SFTPB: variants seen among roughly 807,000 people sequenced by gnomAD.
SFTPB encodes the protein pulmonary surfactant-associated protein B.
In SFTPB, 32 loss-of-function variants were observed where a neutral mutation model predicts 51.0. The observed-to-expected ratio is 0.63, with a 90% CI of 0.47 to 0.84. The LOEUF (loss-of-function observed/expected upper bound fraction) is 0.84, where lower values mean the gene tolerates loss of function less well. Ranked by LOEUF, SFTPB falls within the 40% of genes least tolerant of loss-of-function variation. SFTPB has a pLI of 0.00. For synonymous variants in SFTPB, 211 were observed against 208.5 expected, an observed-to-expected ratio of 1.01 and a Z score of -0.10; for missense variants, 431 against 491.2, an observed-to-expected ratio of 0.88 and a Z score of 1.16.
chr2:85,667,542 C>T, intron 2 of SFTPB, 137 bp downstream of exon 2: 1 of 1,127,638 alleles, frequency 8.9e-7, no homozygotes, highest in Admixed American at 1.7e-5. Context: ...TCCATTTTAT[C>T]CTATCTCATT....
intron 10 of SFTPB, among the ~76,000 whole-genome samples, chr2:85,660,089 C>T (rs1677209672): frequency 6.6e-6 from 1 of 151,190 alleles, no homozygotes; most frequent in Admixed American, 6.6e-5. Context: ...TAGCCCCTAC[C>T]CTAGGATGTG....
rs959253246 is a variant in SFTPB, at chr2:85,658,372, C to T, written c.*1330G>A. The T allele has an allele frequency of 2.6e-5, 4 of 152,252 alleles. No individual in the cohort carries two copies. Among genetic ancestry groups the T allele is most frequent in the Non-Finnish European group, 5.9e-5 (4 of 68,126 alleles). The allele number at this position is 152,252 out of a possible 1,614,324, so 9.4% of individuals were successfully genotyped here. On this transcript the variant is annotated 3_prime_UTR_variant, in exon 11 of 11. Transcript: ENST00000519937. ...AGAGACTGGGAGGGGAGAGCAGCAG[C>T]TGGAGGGCAGGCTGGGAGCGCTTGT...
intron 3 of SFTPB, 30 bp from the exon 4 acceptor site, chr2:85,666,772 G>T: frequency 6.2e-7 from 1 of 1,613,290 alleles, no homozygotes; most frequent in Non-Finnish European, 8.5e-7. Flanking sequence ...CGTCAGCTGG[G>T]CCTCTCTGAG....
intron 8 of SFTPB, among the ~76,000 whole-genome samples, chr2:85,662,479 A>G (rs908722171): frequency 3.3e-5 from 5 of 152,184 alleles, no homozygotes; most frequent in Non-Finnish European, 7.4e-5. Context: ...CAGGGAGCAC[A>G]GTGTGGACAG....
Position 85,662,089 on chromosome 2 carries a change from C to T in SFTPB, c.1023G>A (p.Gln341=). 6.2e-7 allele frequency: 1 copy of T among 1,602,272 alleles called. No individual in the cohort carries two copies. The highest frequency in any genetic ancestry group is 8.5e-7 in the Non-Finnish European group (1 of 1,175,782). Residue 341 remains glutamine (Q), a synonymous_variant, in exon 9 of 11, where the codon CAG becomes CAA. Transcript: ENST00000519937. ...DREKCKQFVE[Q]HTPQLLTLVP... Reference sequence around the variant, plus strand: ...CCAGGGTCAGCAGCTGGGGCGTGTGCTGCTCCACAAATTGCTTGCACTGAG... The same window carrying T: ...CCAGGGTCAGCAGCTGGGGCGTGTGTTGCTCCACAAATTGCTTGCACTGAG...
intron 8 of SFTPB, 105 bp from the exon 9 acceptor site, chr2:85,662,214 A>C: frequency 6.5e-7 from 1 of 1,536,504 alleles, no homozygotes. Flanking sequence ...CTCCCTCCCG[A>C]CTCCTCCATC....
chr2:85,667,714 G>A lies in SFTPB; in HGVS notation c.160C>T (p.His54Tyr). The stretch of plus-strand genomic sequence containing the variant: ...TGTCCCCAGACTTCCTGTAGGCAAT[G>A]CCCTAGGGCTCTGCACTGCAATGCT... ...EQALQCRALG[H>Y]CLQEVWGHVG... The change falls in exon 2 of 11, where the codon CAT (histidine) becomes TAT (tyrosine). Residue 54 changes from histidine to tyrosine, a missense_variant. Transcript: ENST00000519937. 1 of 1,614,262 alleles carries A rather than the reference G, an allele frequency of 6.2e-7. No individual in the cohort carries two copies. Among genetic ancestry groups the A allele is most frequent in the South Asian group, 1.1e-5 (1 of 91,092 alleles).
Position 85,665,348 on chromosome 2 carries a change from G to T in SFTPB, c.613C>A (p.Leu205Ile). Residue 205 changes from leucine (L) to isoleucine (I), a missense_variant, in exon 6 of 11, where the codon CTC becomes ATC. Leu to Ile is a conservative substitution (Grantham distance 5). Transcript: ENST00000519937. ...DLSEQQFPIP[L>I]PYCWLCRALI... The stretch of plus-strand genomic sequence containing the variant: ...GCCCTGCAGAGCCAGCAATAGGGGA[G>T]AGGAATGGGGAATTGCTGCTCGGAG... 1 of 1,614,094 alleles carries T rather than the reference G, an allele frequency of 6.2e-7. No homozygotes were observed. Among genetic ancestry groups the T allele is most frequent in the Non-Finnish European group, 8.5e-7 (1 of 1,179,962 alleles).
At position 85,666,644 on chromosome 2, in the gene SFTPB, CA is replaced by C. The variant is rs1677658252; in HGVS notation, c.365del (p.Leu122ArgfsTer93). On this transcript the variant is annotated frameshift_variant, in exon 4 of 11. Transcript: ENST00000519937. LOFTEE classifies it high-confidence loss of function. Reference protein sequence around the residue: ...CNQVLDDYFPLVIDYFQNQTD... With the variant: ...CNQVLDDYFPXVIDYFQNQTD... ...TCTGGTTCTGGAAGTAGTCGATGACCAGGGGGAAGTAGTCGTCAAGCACTTG... is the reference window on the plus strand; with the variant it reads ...TCTGGTTCTGGAAGTAGTCGATGACCGGGGGAAGTAGTCGTCAAGCACTTG... 6.2e-7 allele frequency: 1 copy of C among 1,613,652 alleles called. No homozygotes were observed. Among genetic ancestry groups the C allele is most frequent in the Middle Eastern group, 1.7e-4 (1 of 6,058 alleles).
In SFTPB at chr2:85,659,532, G is replaced by A. The variant is rs1400062087; in HGVS notation, c.*170C>T. Reference sequence around the variant, plus strand: ...AGGGCTGGGGGCCCGTGGTCCACCAGTGGAAGTGACTGCCGAGGAAGGGCG... The same window carrying A: ...AGGGCTGGGGGCCCGTGGTCCACCAATGGAAGTGACTGCCGAGGAAGGGCG... On this transcript the variant is annotated 3_prime_UTR_variant, in exon 11 of 11. Transcript: ENST00000519937. 1 of 152,558 alleles carries A rather than the reference G, an allele frequency of 6.6e-6. No homozygotes were observed. Among genetic ancestry groups the A allele is most frequent in the African/African-American group, 2.4e-5 (1 of 41,472 alleles). 9.5% of individuals were successfully genotyped at this position (152,558 alleles called of 1,614,324 possible).
chr2:85,667,601 T>G, intron 2 of SFTPB, 78 bp downstream of exon 2: 1 of 1,585,640 alleles, frequency 6.3e-7, no homozygotes, highest in South Asian at 1.1e-5. Context: ...GGCTCCACTC[T>G]CCTCCTGCCC....
rs1012625049 is a variant in SFTPB, at chr2:85,662,252, G to T, written c.1003-143C>A. On this transcript the variant is annotated intron_variant, in intron 8 of 10. Transcript: ENST00000519937. Reference sequence around the variant, plus strand: ...CCCTCACGGAACACCTCTGGCTGCAGTTGAAACCCTTAACAAACTGGAGCC... The same window carrying T: ...CCCTCACGGAACACCTCTGGCTGCATTTGAAACCCTTAACAAACTGGAGCC... 6 of 1,507,460 alleles carry T rather than the reference G, an allele frequency of 4.0e-6. No individual in the cohort carries two copies. The African/African-American group carries it at 6.9e-5, about 17-fold the overall frequency. The allele number at this position is 1,507,460 out of a possible 1,614,324, so 93.4% of individuals were successfully genotyped here. A position where few individuals can be genotyped will look rare whatever the true frequency, so the allele number is the denominator to read the frequency against.
At chr2:85,663,936 G>T in intron 6 of SFTPB, 89 bp from the exon 7 acceptor site, 1 of 1,237,936 alleles carries the variant, frequency 8.1e-7, no homozygotes, top group Non-Finnish European at 1.1e-6. Flanking sequence ...CACTTCCTAC[G>T]CATTCCCTCA....
At chr2:85,659,863 G>T (rs1677200092) in intron 10 of SFTPB, among the ~76,000 whole-genome samples, 181 bp from the exon 11 acceptor site, 1 of 152,218 alleles carries the variant, frequency 6.6e-6, no homozygotes, top group South Asian at 2.1e-4. Flanking sequence ...CGGGTCCTGG[G>T]TGACTCCCCA....
intron 6 of SFTPB, 134 bp downstream of exon 6, chr2:85,665,155 C>T (rs954174167): frequency 2.2e-5 from 17 of 776,432 alleles, no homozygotes; most frequent in African/African-American, 1.5e-4. Flanking sequence ...AATGCACAAG[C>T]GGCTCTCTCC....
At chr2:85,662,249 G>T in intron 8 of SFTPB, 140 bp from the exon 9 acceptor site, 1 of 1,515,296 alleles carries the variant, frequency 6.6e-7, no homozygotes, top group Non-Finnish European at 8.9e-7. Context: ...ACCTCTGGCT[G>T]CAGTTGAAAC....
Position 85,666,649 on chromosome 2 carries a change from G to C in SFTPB, c.361C>G (p.Pro121Ala), listed in dbSNP as rs141905538. 564 of 1,613,688 alleles carry C rather than the reference G, an allele frequency of 3.5e-4. No individual in the cohort carries two copies. The highest frequency in any genetic ancestry group is 4.6e-4 in the Non-Finnish European group (537 of 1,179,844). The part of the protein sequence containing the change: ...QCNQVLDDYF[P>A]LVIDYFQNQT... Reference sequence around the variant, plus strand: ...TTCTGGAAGTAGTCGATGACCAGGGGGAAGTAGTCGTCAAGCACTTGGTTG... The same window carrying C: ...TTCTGGAAGTAGTCGATGACCAGGGCGAAGTAGTCGTCAAGCACTTGGTTG... The change falls in exon 4 of 11, where the codon CCC becomes GCC. Residue 121 changes from proline to alanine, a missense_variant. Transcript: ENST00000519937.
At chr2:85,661,996 A>G in intron 9 of SFTPB, 33 bp downstream of exon 9, 1 of 1,566,428 alleles carries the variant, frequency 6.4e-7, no homozygotes, top group Non-Finnish European at 8.7e-7. Flanking sequence ...AGCCAAGGGA[A>G]GTCCTAGGAC....
chr2:85,667,550 A>G, intron 2 of SFTPB, 129 bp downstream of exon 2: 1 of 1,196,470 alleles, frequency 8.4e-7, no homozygotes, highest in Non-Finnish European at 1.2e-6. Context: ...ATCCTATCTC[A>G]TTTCATCTCA....
Sources: allele counts gnomAD v4.1 joint callset (sites outside exome capture counted in the v4.1 genomes callset), GRCh38; gene constraint gnomAD v4.1.1; transcripts MANE v1.5; gene names NCBI Gene and HGNC (gene_info 2026-07-23, HGNC 2026-07-21).